The following CELF4 variants were observed in gnomAD, a reference collection of about 807,000 sequenced individuals.
The protein encoded by CELF4 is CUGBP Elav-like family member 4, also known as CUG-BP- and ETR-3-like factor 4.
In CELF4, 18 loss-of-function variants were observed where a neutral mutation model predicts 59.9. That is an observed-to-expected ratio of 0.30 (90% CI 0.21 to 0.45). The LOEUF is 0.45. CELF4 is among the 20% of genes least tolerant of loss of function. The pLI, the probability that CELF4 is intolerant of heterozygous loss-of-function variation, is 1.00. For missense variants in CELF4, 456 were observed against 689.0 expected (o/e 0.66, Z 3.79); for synonymous variants, 261 against 267.1 (o/e 0.98, Z 0.22).
intron 2 of CELF4, among the ~76,000 whole-genome samples, chr18:37,394,519 C>T (rs950633822): frequency 9.2e-5 from 14 of 152,204 alleles, no homozygotes; most frequent in South Asian, 8.3e-4. Context: ...CAAAGTGAGG[C>T]CCAGGCAGAT....
At chr18:37,565,286 C>CCGGCCGGCCGGT (rs2099987890) in intron 1 of CELF4, 70 bp downstream of exon 1, 1 of 1,454,008 alleles carries the variant, frequency 6.9e-7, no homozygotes, top group Non-Finnish European at 9.2e-7. Context: ...TCGTCAGTCG[C>CCGGCCGGCCGGT]CGGCCGGCCG....
At chr18:37,460,514 G>A (rs1469147935) in intron 2 of CELF4, among the ~76,000 whole-genome samples, 1 of 152,166 alleles carries the variant, frequency 6.6e-6, no homozygotes, top group African/African-American at 2.4e-5. Flanking sequence ...TGGTCTGCAA[G>A]CAAACTCTTT....
intron 2 of CELF4, among the ~76,000 whole-genome samples, chr18:37,464,792 A>T (rs773868439): frequency 2.7e-4 from 41 of 152,134 alleles, no homozygotes; most frequent in Non-Finnish European, 5.4e-4. Flanking sequence ...CTATCTTCAG[A>T]CTTCTAAACT....
intron 2 of CELF4, among the ~76,000 whole-genome samples, chr18:37,394,208 G>A (rs1309232490): frequency 6.6e-6 from 1 of 152,172 alleles, no homozygotes; most frequent in East Asian, 1.9e-4. Flanking sequence ...CTCGGCAGCC[G>A]CCACCTCCCA....
chr18:37,502,470 A>G (rs985366818), intron 1 of CELF4, among the ~76,000 whole-genome samples: 2 of 152,098 alleles, frequency 1.3e-5, no homozygotes, highest in Non-Finnish European at 2.9e-5. Flanking sequence ...TTATTTTTCA[A>G]AAAGGATGTA....
At chr18:37,538,281 G>A (rs964522078) in intron 1 of CELF4, among the ~76,000 whole-genome samples, 4 of 152,186 alleles carry the variant, frequency 2.6e-5, no homozygotes, top group Admixed American at 6.5e-5. Flanking sequence ...CACCTGGCTC[G>A]ATTCTTCACT....
chr18:37,323,802 T>G (rs2097204993), intron 2 of CELF4, among the ~76,000 whole-genome samples: 1 of 152,196 alleles, frequency 6.6e-6, no homozygotes, highest in South Asian at 2.1e-4. Flanking sequence ...TATATCCATC[T>G]TTTCAATGAG....
chr18:37,333,349 C>T (rs893975703), intron 2 of CELF4, among the ~76,000 whole-genome samples: 1 of 151,484 alleles, frequency 6.6e-6, no homozygotes, highest in African/African-American at 2.4e-5. Context: ...CCTCTCCCCC[C>T]TCTCCCTCTT....
At chr18:37,287,616 GTTTCTC>G (rs1184054081) in intron 3 of CELF4, among the ~76,000 whole-genome samples, 1 of 152,180 alleles carries the variant, frequency 6.6e-6, no homozygotes, top group East Asian at 1.9e-4. Flanking sequence ...CCAGGCCCCT[GTTTCTC>G]AGGCCTCTGG....
chr18:37,330,336 T>A (rs2097494153), intron 2 of CELF4, among the ~76,000 whole-genome samples: 1 of 152,172 alleles, frequency 6.6e-6, no homozygotes, highest in Admixed American at 6.5e-5. Flanking sequence ...GAGGAAAGAA[T>A]GAACCCTTGC....
chr18:37,429,260 G>A (rs561890162), intron 2 of CELF4, among the ~76,000 whole-genome samples: 25 of 152,342 alleles, frequency 1.6e-4, no homozygotes, highest in Non-Finnish European at 2.4e-4. Flanking sequence ...CTCTATGGGT[G>A]TGGCCAGGAG....
At position 37,353,233 on chromosome 18, in the gene CELF4, A is replaced by AATATATATATATATAT. The variant is rs1557327923; in HGVS notation, c.370-31368_370-31353dup. Among the ~76,000 whole-genome samples the AATATATATATATATAT allele has an allele frequency of 1.8e-3, 194 of 106,906 alleles. 1 individual carries two copies. The highest frequency in any genetic ancestry group is 2.8e-3 in the Non-Finnish European group (156 of 54,922). The allele number at this position is 106,906 out of a possible 152,430, so 70.1% of individuals were successfully genotyped here. A position where few individuals can be genotyped will look rare whatever the true frequency, so the allele number is the denominator to read the frequency against. On this transcript the variant is annotated intron_variant, in intron 2 of 12. Coordinates refer to ENST00000420428, the MANE Select transcript of CELF4 (RefSeq NM_020180.4). ...GAGACTCCGTCTCAAAAAAAAAAAA[A>AATATATATATATATAT]ATATATATATATATATACATAAAAG...
intron 2 of CELF4, among the ~76,000 whole-genome samples, chr18:37,356,611 G>T (rs543851464): frequency 1.3e-5 from 2 of 152,308 alleles, no homozygotes; most frequent in East Asian, 3.9e-4. Flanking sequence ...GCACTAGGAG[G>T]ACCCCAGTGT....
At chr18:37,309,777 C>A (rs1476781669) in intron 3 of CELF4, among the ~76,000 whole-genome samples, 1 of 151,084 alleles carries the variant, frequency 6.6e-6, no homozygotes, top group Non-Finnish European at 1.5e-5. Context: ...AGAAAGTGGA[C>A]CCTGCTCTTC....
At chr18:37,312,110 CAAAAAAAAAAAAAAA>C (rs59872500) in intron 3 of CELF4, among the ~76,000 whole-genome samples, 2 of 50,796 alleles carry the variant, frequency 3.9e-5, no homozygotes, top group African/African-American at 1.4e-4. Context: ...GATTCCGTCT[CAAAAAAAAAAAAAAA>C]AAAAAGAAAA....
chr18:37,536,782 C>T (rs565428960), intron 1 of CELF4, among the ~76,000 whole-genome samples: 10 of 152,292 alleles, frequency 6.6e-5, no homozygotes, highest in South Asian at 6.2e-4. Context: ...GCCACAGGCT[C>T]GTGTGCAGGC....
intron 2 of CELF4, among the ~76,000 whole-genome samples, chr18:37,469,408 T>G (rs1370409339): frequency 6.6e-6 from 1 of 152,170 alleles, no homozygotes; most frequent in East Asian, 1.9e-4. Flanking sequence ...CATCCTCTAT[T>G]TATCTTTGGC....
At chr18:37,335,023 C>T (rs1302888373) in intron 2 of CELF4, among the ~76,000 whole-genome samples, 1 of 151,012 alleles carries the variant, frequency 6.6e-6, no homozygotes, top group Non-Finnish European at 1.5e-5. Flanking sequence ...CCTCTGCTCC[C>T]CCCTCTCTCC....
chr18:37,458,403 T>C (rs572275716), intron 2 of CELF4, among the ~76,000 whole-genome samples: 2 of 152,210 alleles, frequency 1.3e-5, no homozygotes, highest in South Asian at 4.1e-4. Flanking sequence ...TGGCCTTCCA[T>C]TCAAATGTTG....
Sources: allele counts gnomAD v4.1 joint callset (sites outside exome capture counted in the v4.1 genomes callset), GRCh38; gene constraint gnomAD v4.1.1; transcripts MANE v1.5; gene names NCBI Gene and HGNC (gene_info 2026-07-23, HGNC 2026-07-21).